Variants in CNTN5 observed in about 807,000 individuals in gnomAD.
CNTN5 encodes the protein contactin 5, also known as contactin-5.
Under a neutral mutation model 129.1 loss-of-function variants are expected in CNTN5, and 77 were observed. That is an observed-to-expected ratio of 0.60 (90% CI 0.50 to 0.72). The LOEUF is 0.72. Ranked by LOEUF, CNTN5 falls within the 30% of genes least tolerant of loss-of-function variation. CNTN5 has a pLI of 0.00. For synonymous variants in CNTN5, 509 were observed against 465.6 expected, an observed-to-expected ratio of 1.09 and a Z score of -1.20; for missense variants, 1,478 against 1,328.8, an observed-to-expected ratio of 1.11 and a Z score of -1.75.
chr11:99,132,315 C>T (rs932609930), intron 1 of CNTN5, among the ~76,000 whole-genome samples: 2 of 152,116 alleles, frequency 1.3e-5, no homozygotes, highest in Admixed American at 1.3e-4. Context: ...AGGGCAACAG[C>T]TGGAAGCATT....
chr11:100,020,073 C>G (rs985490959), intron 9 of CNTN5, among the ~76,000 whole-genome samples: 1 of 151,802 alleles, frequency 6.6e-6, no homozygotes, highest in African/African-American at 2.4e-5. Context: ...TATTTTCTCC[C>G]ATCTCATAGG....
chr11:99,593,029 C>G (rs1950025308), intron 3 of CNTN5, among the ~76,000 whole-genome samples: 1 of 152,116 alleles, frequency 6.6e-6, no homozygotes, highest in Admixed American at 6.5e-5. Context: ...ACAACATAGG[C>G]TTTCAACAAA....
intron 18 of CNTN5, among the ~76,000 whole-genome samples, chr11:100,279,855 T>C (rs1950595603): frequency 6.6e-6 from 1 of 151,662 alleles, no homozygotes; most frequent in African/African-American, 2.4e-5. Flanking sequence ...TTACTCTTGC[T>C]TTTCTAGTTC....
intron 2 of CNTN5, among the ~76,000 whole-genome samples, chr11:99,361,957 A>T (rs1199764377): frequency 1.3e-5 from 2 of 152,100 alleles, no homozygotes; most frequent in African/African-American, 4.8e-5. Context: ...CCATCGTCAT[A>T]CAAGCATCTG....
chr11:99,557,254 G>A (rs1393189386), intron 3 of CNTN5, among the ~76,000 whole-genome samples: 1 of 150,988 alleles, frequency 6.6e-6, no homozygotes, highest in South Asian at 2.1e-4. Context: ...ATACATACAT[G>A]TTCCATTTAT....
chr11:99,915,239 G>C (rs1186468311), intron 6 of CNTN5, among the ~76,000 whole-genome samples: 2 of 151,988 alleles, frequency 1.3e-5, no homozygotes, highest in African/African-American at 4.8e-5. Flanking sequence ...AAAAAGGAAA[G>C]GAGCGTAAGT....
chr11:99,352,993 C>A (rs746939458), intron 2 of CNTN5, among the ~76,000 whole-genome samples: 1 of 152,160 alleles, frequency 6.6e-6, no homozygotes, highest in Admixed American at 6.5e-5. Flanking sequence ...CTTTGAGAGC[C>A]GGGCGGTGAA....
chr11:100,138,279 T>C (rs1301521914), intron 13 of CNTN5, among the ~76,000 whole-genome samples: 1 of 152,010 alleles, frequency 6.6e-6, no homozygotes, highest in African/African-American at 2.4e-5. Flanking sequence ...TACCAAACAT[T>C]TTTGAGTTAA....
chr11:99,491,946 G>A (rs1591155946), intron 2 of CNTN5, among the ~76,000 whole-genome samples: 1 of 152,166 alleles, frequency 6.6e-6, no homozygotes, highest in African/African-American at 2.4e-5. Flanking sequence ...TTAAAGAGCT[G>A]TCCCAACCTG....
At chr11:99,320,666 G>C (rs1865530453) in intron 1 of CNTN5, among the ~76,000 whole-genome samples, 1 of 152,122 alleles carries the variant, frequency 6.6e-6, no homozygotes, top group African/African-American at 2.4e-5. Flanking sequence ...ATAAAAAGGA[G>C]GGGAGTAAGT....
At chr11:100,234,978 C>T (rs893901439) in intron 16 of CNTN5, among the ~76,000 whole-genome samples, 4 of 152,048 alleles carry the variant, frequency 2.6e-5, no homozygotes, top group African/African-American at 9.7e-5. Context: ...ATGTGCCTGA[C>T]CATTCCCATT....
At chr11:99,244,550 C>A (rs1861723800) in intron 1 of CNTN5, among the ~76,000 whole-genome samples, 2 of 152,182 alleles carry the variant, frequency 1.3e-5, no homozygotes, top group East Asian at 1.9e-4. Flanking sequence ...TCTTTCTATT[C>A]TTTCTTTCAC....
At chr11:100,051,237 A>G (rs1303658865) in intron 9 of CNTN5, among the ~76,000 whole-genome samples, 4 of 152,218 alleles carry the variant, frequency 2.6e-5, no homozygotes, top group African/African-American at 9.6e-5. Context: ...AAGATAAATT[A>G]TGTGTTGGGC....
chr11:99,168,683 A>C (rs1419017167), intron 1 of CNTN5, among the ~76,000 whole-genome samples: 1 of 152,218 alleles, frequency 6.6e-6, no homozygotes, highest in Admixed American at 6.5e-5. Context: ...GAAATGGTGT[A>C]TTTTTTCACT....
intron 13 of CNTN5, among the ~76,000 whole-genome samples, chr11:100,103,661 C>T (rs1341269810): frequency 6.6e-6 from 1 of 152,130 alleles, no homozygotes; most frequent in Non-Finnish European, 1.5e-5. Context: ...CCTGCAAATC[C>T]TACTTTGCTC....
At chr11:99,032,835 C>A (rs1199076086) in intron 1 of CNTN5, among the ~76,000 whole-genome samples, 2 of 146,664 alleles carry the variant, frequency 1.4e-5, no homozygotes, top group Non-Finnish European at 3.0e-5. Flanking sequence ...GACATGAAGT[C>A]CTTGTCCATG....
chr11:99,448,339 A>G (rs1249402114), intron 2 of CNTN5, among the ~76,000 whole-genome samples: 1 of 152,204 alleles, frequency 6.6e-6, no homozygotes, highest in African/African-American at 2.4e-5. Flanking sequence ...TTTACTTGAC[A>G]TAAAAACCAT....
chr11:99,515,089 A>G (rs769684292), intron 2 of CNTN5, among the ~76,000 whole-genome samples: 6 of 152,100 alleles, frequency 3.9e-5, no homozygotes, highest in Non-Finnish European at 7.4e-5. Flanking sequence ...AGGTCACTGA[A>G]CAAAAAGGAT....
At chr11:100,340,342 T>C (rs1952130806) in intron 21 of CNTN5, 121 bp from the exon 22 acceptor site, 3 of 653,344 alleles carry the variant, frequency 4.6e-6, no homozygotes, top group East Asian at 2.7e-5. Context: ...TTGGGTGATA[T>C]AGGAGTGATT....
Sources: allele counts gnomAD v4.1 joint callset (sites outside exome capture counted in the v4.1 genomes callset), GRCh38; gene constraint gnomAD v4.1.1; transcripts MANE v1.5; gene names NCBI Gene and HGNC (gene_info 2026-07-23, HGNC 2026-07-21).